Variants in TMTC1 observed in about 807,000 individuals in gnomAD.
TMTC1 encodes the protein transmembrane O-mannosyltransferase targeting cadherins 1.
A neutral mutation model predicts 104.8 loss-of-function variants in TMTC1; 73 were observed. That is an observed-to-expected ratio of 0.70 (90% CI 0.58 to 0.85). The LOEUF (loss-of-function observed/expected upper bound fraction) is 0.85, where lower values mean the gene tolerates loss of function less well. TMTC1 is among the 40% of genes least tolerant of loss of function. The pLI, the probability that TMTC1 is intolerant of heterozygous loss-of-function variation, is 0.00. For missense variants in TMTC1, 1,035 were observed against 1,096.1 expected (o/e 0.94, Z 0.79); for synonymous variants, 434 against 428.7 (o/e 1.01, Z -0.15).
At chr12:29,597,460 C>T (rs79596402) in intron 7 of TMTC1, among the ~76,000 whole-genome samples, 2,485 of 151,910 alleles carry the variant, frequency 0.016, 76 homozygotes, top group African/African-American at 0.057. Flanking sequence ...CACACCAAGG[C>T]TTCCTGACCA....
At chr12:29,754,802 G>A (rs1943176876) in intron 4 of TMTC1, among the ~76,000 whole-genome samples, 1 of 152,064 alleles carries the variant, frequency 6.6e-6, no homozygotes, top group African/African-American at 2.4e-5. Context: ...AGGCAGGAAG[G>A]TGATCAGAAT....
chr12:29,704,867 C>G (rs1442313234), intron 5 of TMTC1, among the ~76,000 whole-genome samples: 1 of 152,176 alleles, frequency 6.6e-6, no homozygotes, highest in African/African-American at 2.4e-5. Flanking sequence ...AACTCTGGGC[C>G]TCTCACTTTT....
At chr12:29,660,824 C>A (rs1939986564) in intron 5 of TMTC1, 1 of 1,483,404 alleles carries the variant, frequency 6.7e-7, no homozygotes, top group Non-Finnish European at 9.0e-7. Flanking sequence ...ACCAAAATGG[C>A]CCTTTTTAAA....
At chr12:29,663,769 G>A (rs1284844030) in intron 5 of TMTC1, among the ~76,000 whole-genome samples, 6 of 150,878 alleles carry the variant, frequency 4.0e-5, no homozygotes, top group Non-Finnish European at 4.4e-5. Flanking sequence ...CACCCACCTC[G>A]GCCTCTCAAA....
intron 5 of TMTC1, among the ~76,000 whole-genome samples, chr12:29,719,360 A>T (rs1942172179): frequency 6.6e-6 from 1 of 152,040 alleles, no homozygotes; most frequent in Non-Finnish European, 1.5e-5. Context: ...GCATTATATG[A>T]TTTGCTCCAT....
intron 8 of TMTC1, among the ~76,000 whole-genome samples, chr12:29,578,665 A>C (rs1441400171): frequency 6.6e-6 from 1 of 152,202 alleles, no homozygotes; most frequent in African/African-American, 2.4e-5. Flanking sequence ...ATAAATAACA[A>C]AAAAGCTACT....
rs113135039 is a variant in TMTC1 at position 29,695,793 on chromosome 12, T to TTATATATA, written c.938+55865_938+55872dup. 4.9e-3 allele frequency among the ~76,000 whole-genome samples: 414 copies of TTATATATA among 83,694 alleles called. 8 individuals are homozygous for TTATATATA. The highest frequency in any genetic ancestry group is 7.1e-3 in the Non-Finnish European group (264 of 37,098). 54.9% of individuals were successfully genotyped at this position (83,694 alleles called of 152,430 possible). On this transcript the variant is annotated intron_variant, in intron 5 of 17. Coordinates refer to ENST00000539277, the MANE Select transcript of TMTC1 (RefSeq NM_001193451.2). Reference sequence around the variant, plus strand: ...TCACAAATTTTAAACTACTTCCTTTTTATATATATATATATATATATATAT... The same window carrying TTATATATA: ...TCACAAATTTTAAACTACTTCCTTTTTATATATATATATATATATATATATATATATAT...
At chr12:29,590,568 G>C (rs28449501) in intron 7 of TMTC1, among the ~76,000 whole-genome samples, 6,697 of 152,172 alleles carry the variant, frequency 0.044, 493 homozygotes, top group African/African-American at 0.15. Context: ...GGGCAGATCA[G>C]GAGGTCGGGA....
chr12:29,695,830 AC>A (rs1377957192), intron 5 of TMTC1, among the ~76,000 whole-genome samples: 1 of 66,010 alleles, frequency 1.5e-5, no homozygotes, highest in African/African-American at 3.9e-5. Context: ...TATATATATA[AC>A]CTGTCTTCAA....
intron 1 of TMTC1, among the ~76,000 whole-genome samples, chr12:29,771,404 A>G (rs560789014): frequency 1.9e-4 from 29 of 152,192 alleles, no homozygotes; most frequent in Non-Finnish European, 3.4e-4. Flanking sequence ...AGTTATCAAA[A>G]CAGACCAAAC....
chr12:29,726,070 C>T (rs1159474083), intron 5 of TMTC1, among the ~76,000 whole-genome samples: 1 of 152,122 alleles, frequency 6.6e-6, no homozygotes, highest in Admixed American at 6.5e-5. Context: ...AAGTATTTGG[C>T]CTGAGCAGAA....
chr12:29,522,372 A>G (rs1241753486), intron 11 of TMTC1, among the ~76,000 whole-genome samples: 3 of 152,244 alleles, frequency 2.0e-5, no homozygotes, highest in African/African-American at 7.2e-5. Flanking sequence ...GTGGTTTGTC[A>G]AACTTCATCC....
chr12:29,520,363 T>G (rs989615438), intron 12 of TMTC1, among the ~76,000 whole-genome samples: 11 of 152,230 alleles, frequency 7.2e-5, no homozygotes, highest in African/African-American at 2.7e-4. Context: ...GATTGGGACT[T>G]ATTAAATCAT....
intron 5 of TMTC1, among the ~76,000 whole-genome samples, chr12:29,644,820 G>A (rs374173811): frequency 7.9e-5 from 12 of 152,052 alleles, no homozygotes; most frequent in East Asian, 7.7e-4. Context: ...ATTTCTGACC[G>A]CAGCACCTGA....
At chr12:29,759,270 C>A (rs1420185300) in intron 2 of TMTC1, among the ~76,000 whole-genome samples, 1 of 152,060 alleles carries the variant, frequency 6.6e-6, no homozygotes, top group Non-Finnish European at 1.5e-5. Context: ...CCGAGGCTGG[C>A]GGAACACTTG....
intron 6 of TMTC1, among the ~76,000 whole-genome samples, chr12:29,626,736 T>C (rs1938013424): frequency 6.6e-6 from 1 of 152,190 alleles, no homozygotes; most frequent in South Asian, 2.1e-4. Context: ...GATTTGGCCA[T>C]GTATTTTTAG....
chr12:29,591,283 G>A (rs983567482), intron 7 of TMTC1, among the ~76,000 whole-genome samples: 2 of 152,098 alleles, frequency 1.3e-5, no homozygotes, highest in Non-Finnish European at 2.9e-5. Context: ...TCCCTCCATC[G>A]CTAGGGGCAG....
chr12:29,743,955 T>C (rs959679995), intron 5 of TMTC1, among the ~76,000 whole-genome samples: 8 of 152,180 alleles, frequency 5.3e-5, no homozygotes, highest in Non-Finnish European at 1.0e-4. Flanking sequence ...GCCACTCTCT[T>C]ACCCACACAG....
At chr12:29,730,058 A>G (rs1942506938) in intron 5 of TMTC1, among the ~76,000 whole-genome samples, 1 of 152,232 alleles carries the variant, frequency 6.6e-6, no homozygotes, top group Admixed American at 6.5e-5. Context: ...GGGGGAAGTA[A>G]GCCACACAAG....
Sources: allele counts gnomAD v4.1 joint callset (sites outside exome capture counted in the v4.1 genomes callset), GRCh38; gene constraint gnomAD v4.1.1; transcripts MANE v1.5; gene names NCBI Gene and HGNC (gene_info 2026-07-23, HGNC 2026-07-21).